Variants in EVA1C observed in about 807,000 individuals in gnomAD.
The protein encoded by EVA1C is eva-1 homolog C, also known as protein eva-1 homolog C.
A neutral mutation model predicts 45.4 loss-of-function variants in EVA1C; 25 were observed. The ratio of observed to expected loss-of-function variants is 0.55; its 90% CI spans 0.40 to 0.77. EVA1C has a LOEUF of 0.77. EVA1C is among the 30% of genes least tolerant of loss of function. EVA1C has a pLI of 0.00. For synonymous variants in EVA1C, 190 were observed against 221.2 expected (o/e 0.86, Z 1.25); for missense variants, 479 against 554.8 (o/e 0.86, Z 1.37).
At chr21:32,463,141 C>T (rs945495026) in intron 3 of EVA1C, among the ~76,000 whole-genome samples, 21 of 152,184 alleles carry the variant, frequency 1.4e-4, no homozygotes, top group Admixed American at 2.0e-4. Flanking sequence ...CAAAAATAAT[C>T]GCGGTTTTTG....
chr21:32,427,700 A>G (rs1376922148), intron 1 of EVA1C, among the ~76,000 whole-genome samples: 5 of 149,580 alleles, frequency 3.3e-5, no homozygotes, highest in African/African-American at 1.2e-4. Context: ...TGACAGAGCA[A>G]GTCTCCATCT....
At chr21:32,510,201 A>G (rs1370424740) in intron 7 of EVA1C, among the ~76,000 whole-genome samples, 1 of 151,858 alleles carries the variant, frequency 6.6e-6, no homozygotes, top group Non-Finnish European at 1.5e-5. Context: ...GGCGCACGCC[A>G]CCACCCCTGG....
At chr21:32,437,179 C>CAAACCAAAACAAAACA (rs2034990030) in intron 1 of EVA1C, among the ~76,000 whole-genome samples, 1 of 136,204 alleles carries the variant, frequency 7.3e-6, no homozygotes, top group African/African-American at 2.8e-5. Context: ...CAAAACAAAA[C>CAAACCAAAACAAAACA]AAACATAGAT....
At chr21:32,438,508 A>AAAC (rs2035053592) in intron 1 of EVA1C, among the ~76,000 whole-genome samples, 1 of 149,944 alleles carries the variant, frequency 6.7e-6, no homozygotes, top group Non-Finnish European at 1.5e-5. Flanking sequence ...AAAAAAAAAA[A>AAAC]CCAAAACGAC....
intron 1 of EVA1C, among the ~76,000 whole-genome samples, chr21:32,448,944 G>A (rs28421004): frequency 5.5e-5 from 3 of 54,662 alleles, no homozygotes; most frequent in African/African-American, 1.6e-4. Flanking sequence ...GAGAGAAAGA[G>A]AGAAAGAAAG....
chr21:32,460,674 C>T (rs1245148948), intron 3 of EVA1C, among the ~76,000 whole-genome samples: 12 of 152,100 alleles, frequency 7.9e-5, no homozygotes, highest in Admixed American at 7.9e-4. Flanking sequence ...GTGAGTTTCA[C>T]ACAAATATGT....
intron 4 of EVA1C, among the ~76,000 whole-genome samples, chr21:32,477,668 A>G (rs2036614301): frequency 6.6e-6 from 1 of 150,666 alleles, no homozygotes; most frequent in Admixed American, 6.6e-5. Context: ...AGAGAAAGTG[A>G]TGCAAAAGAA....
At chr21:32,475,897 ATC>A (rs1568924541) in intron 4 of EVA1C, among the ~76,000 whole-genome samples, 1 of 150,694 alleles carries the variant, frequency 6.6e-6, no homozygotes, top group African/African-American at 2.4e-5. Flanking sequence ...CTATCTATCT[ATC>A]TATCTATCTA....
At chr21:32,508,001 G>T (rs1273988276) in intron 7 of EVA1C, among the ~76,000 whole-genome samples, 3 of 152,018 alleles carry the variant, frequency 2.0e-5, no homozygotes, top group Non-Finnish European at 2.9e-5. Flanking sequence ...GTGGGTGCGT[G>T]TGTGTACGCA....
At chr21:32,488,174 A>G (rs566176545) in intron 4 of EVA1C, among the ~76,000 whole-genome samples, 8 of 152,356 alleles carry the variant, frequency 5.3e-5, no homozygotes, top group South Asian at 2.1e-4. Flanking sequence ...CTCAACTGTA[A>G]AAAGCAAATA....
In EVA1C at chr21:32,438,486, CA is replaced by C. The variant is rs35688820; in HGVS notation, c.161-14804del. 8.9e-3 allele frequency among the ~76,000 whole-genome samples: 510 copies of C among 57,272 alleles called. 1 individual carries two copies. The highest frequency in any genetic ancestry group is 0.016 in the African/African-American group (219 of 13,994). The allele number at this position is 57,272 out of a possible 152,430, so 37.6% of individuals were successfully genotyped here. On this transcript the variant is annotated intron_variant, in intron 1 of 7. Transcript: ENST00000300255. Reference sequence around the variant, plus strand: ...TGGGTGACAGAGTGAGACTCTGTCTCAAAAAAAAAAAAAAAAAAAAAACCAA... The same window carrying C: ...TGGGTGACAGAGTGAGACTCTGTCTCAAAAAAAAAAAAAAAAAAAAACCAA...
chr21:32,413,582 C>T lies in EVA1C; in HGVS notation c.160+569C>T, dbSNP rs1429144426. Among the ~76,000 whole-genome samples the T allele has an allele frequency of 3.2e-4, 48 of 152,238 alleles. 1 individual carries two copies. Among genetic ancestry groups the T allele is most frequent in the Admixed American group, 3.1e-3 (48 of 15,280 alleles). On this transcript the variant is annotated intron_variant, in intron 1 of 7. Coordinates refer to ENST00000300255, the MANE Select transcript of EVA1C (RefSeq NM_058187.5). ...GCCAAAGTGTACCAGGGTCCTCCCT[C>T]TCCAATTCCAGTTTCCTTCACAGAA...
chr21:32,507,097 CCT>C (rs1166687639), intron 7 of EVA1C, among the ~76,000 whole-genome samples: 1 of 152,130 alleles, frequency 6.6e-6, no homozygotes, highest in African/African-American at 2.4e-5. Context: ...AGGTTTGTCC[CCT>C]GATATTAAAG....
In EVA1C at chr21:32,495,052, A is replaced by C. The variant is rs1233683420; in HGVS notation, c.660A>C (p.Gln220His). Residue 220 changes from glutamine to histidine, a missense_variant, in exon 5 of 8, where the codon CAA (glutamine) becomes CAC (histidine). This residue lies in a region of EVA1C where 366 missense variants were observed against 426.1 expected (regional missense o/e 0.86). Transcript: ENST00000300255. Reference sequence around the variant, plus strand: ...ATTGCTTGTCTTACTCAGCTTTGCAAGTCCTATCCCGAAGGTGCTATGGGA... The same window carrying C: ...ATTGCTTGTCTTACTCAGCTTTGCACGTCCTATCCCGAAGGTGCTATGGGA... ...PFDCLSYSALQVLSRRCYGKQ... is the reference protein window; with the variant it reads ...PFDCLSYSALHVLSRRCYGKQ... The C allele has an allele frequency of 1.2e-6, 2 of 1,614,096 alleles. No individual in the cohort carries two copies. Among genetic ancestry groups the C allele is most frequent in the Non-Finnish European group, 1.7e-6 (2 of 1,180,018 alleles).
In EVA1C at chr21:32,474,108, C is replaced by T. The variant is rs1242960337; in HGVS notation, c.634+6260C>T. ...ATGCCTGGCATGGTGGAGATGAAGT[C>T]TTGCTATTTTGCCCAGGCTGGTCTT... is the stretch of plus-strand genomic sequence containing the variant. On this transcript the variant is annotated intron_variant, in intron 4 of 7. Transcript: ENST00000300255. This position sits in a 1 kb window ranked among gnomAD's most constrained non-coding sequence, Gnocchi z 4.4. 2 of 269,042 alleles carry T rather than the reference C, an allele frequency of 7.4e-6. No homozygotes were observed. The highest frequency in any genetic ancestry group is 6.5e-5 in the Admixed American group (1 of 15,390). The allele number at this position is 269,042 out of a possible 1,614,324, so 16.7% of individuals were successfully genotyped here.
intron 5 of EVA1C, among the ~76,000 whole-genome samples, chr21:32,499,033 G>A (rs2042374630): frequency 6.6e-6 from 1 of 152,234 alleles, no homozygotes; most frequent in South Asian, 2.1e-4. Context: ...AGTGGCCTGT[G>A]TCATACACAG....
intron 3 of EVA1C, among the ~76,000 whole-genome samples, chr21:32,465,166 G>A (rs181911345): frequency 6.6e-6 from 1 of 152,244 alleles, no homozygotes; most frequent in East Asian, 1.9e-4. Flanking sequence ...AAAAATTGCT[G>A]GTTACAACTC....
chr21:32,420,388 T>A (rs1195372572), intron 1 of EVA1C, among the ~76,000 whole-genome samples: 3 of 151,916 alleles, frequency 2.0e-5, no homozygotes, highest in East Asian at 1.9e-4. Context: ...AGAAAAAAAA[T>A]TATCTTTTAC....
At chr21:32,476,528 C>A (rs898555666) in intron 4 of EVA1C, among the ~76,000 whole-genome samples, 8 of 152,074 alleles carry the variant, frequency 5.3e-5, no homozygotes, top group African/African-American at 1.9e-4. Flanking sequence ...GCAATCCCAG[C>A]CACTCCGGAG....
Sources: allele counts gnomAD v4.1 joint callset (sites outside exome capture counted in the v4.1 genomes callset), GRCh38; gene constraint gnomAD v4.1.1; regional missense constraint gnomAD v4.1.1; non-coding constraint Gnocchi (gnomAD v3.1); transcripts MANE v1.5; gene names NCBI Gene and HGNC (gene_info 2026-07-23, HGNC 2026-07-21).